NIBAN1: variants seen among roughly 807,000 people sequenced by gnomAD.
NIBAN1 encodes niban apoptosis regulator 1, also known as protein Niban 1.
Under a neutral mutation model 75.1 loss-of-function variants are expected in NIBAN1, and 81 were observed. The observed-to-expected ratio is 1.08, with a 90% CI of 0.90 to 1.30. NIBAN1 has a LOEUF of 1.30. NIBAN1 is among the 50% of genes most tolerant of loss of function. The pLI is 0.00. For missense variants in NIBAN1, 1,133 were observed against 1,128.1 expected (o/e 1.00, Z -0.06); for synonymous variants, 436 against 424.8 (o/e 1.03, Z -0.32).
At chr1:184,808,561 G>A (rs1409371467) in intron 9 of NIBAN1, among the ~76,000 whole-genome samples, 7 of 152,116 alleles carry the variant, frequency 4.6e-5, no homozygotes, top group Non-Finnish European at 1.0e-4. Context: ...AACCAGACAG[G>A]TAGGCTCTGA....
intron 1 of NIBAN1, among the ~76,000 whole-genome samples, chr1:184,970,401 G>A (rs926249537): frequency 2.0e-5 from 3 of 152,002 alleles, no homozygotes; most frequent in Non-Finnish European, 2.9e-5. Context: ...GGACTAGTAC[G>A]ACACATCCAC....
At chr1:184,868,881 A>C (rs1047895246) in intron 5 of NIBAN1, among the ~76,000 whole-genome samples, 2 of 152,154 alleles carry the variant, frequency 1.3e-5, no homozygotes, top group African/African-American at 4.8e-5. Flanking sequence ...CCTGATCACC[A>C]GCTGTCTTAC....
intron 8 of NIBAN1, among the ~76,000 whole-genome samples, chr1:184,819,868 T>C (rs143725357): frequency 1.8e-3 from 278 of 152,342 alleles, no homozygotes; most frequent in African/African-American, 6.6e-3. Flanking sequence ...TCAAGTGTCT[T>C]TCTTAAGTTC....
At chr1:184,845,474 T>C (rs951627096) in intron 5 of NIBAN1, among the ~76,000 whole-genome samples, 6 of 152,184 alleles carry the variant, frequency 3.9e-5, no homozygotes, top group African/African-American at 1.4e-4. Flanking sequence ...AAAAAGCAGA[T>C]TATAGGCCAA....
chr1:184,902,060 G>A (rs1034480920), intron 1 of NIBAN1, among the ~76,000 whole-genome samples: 1 of 152,102 alleles, frequency 6.6e-6, no homozygotes. Context: ...AAGACTGAGA[G>A]CAAAGTCTGG....
chr1:184,796,567 C>T (rs1009416158), intron 13 of NIBAN1, among the ~76,000 whole-genome samples: 1 of 152,184 alleles, frequency 6.6e-6, no homozygotes, highest in Non-Finnish European at 1.5e-5. Flanking sequence ...CGGTACTGCA[C>T]ATGCAGAGGA....
intron 1 of NIBAN1, among the ~76,000 whole-genome samples, chr1:184,917,403 G>A (rs1230077492): frequency 2.8e-5 from 4 of 142,356 alleles, no homozygotes; most frequent in South Asian, 2.2e-4. Context: ...TAGTAGAGAC[G>A]GGGTTTCACC....
intron 1 of NIBAN1, among the ~76,000 whole-genome samples, chr1:184,907,772 C>T (rs982094462): frequency 4.6e-5 from 7 of 152,182 alleles, no homozygotes; most frequent in African/African-American, 1.4e-4. Context: ...TTTTAAAGCA[C>T]ATTTATTATT....
intron 1 of NIBAN1, among the ~76,000 whole-genome samples, chr1:184,958,364 T>TCACACACACACA (rs3035788): frequency 0.011 from 1,566 of 142,662 alleles, 19 homozygotes; most frequent in African/African-American, 0.025. Flanking sequence ...GACAGAGGAG[T>TCACACACACACA]CACACACACA....
At chr1:184,911,021 G>A (rs1436424756) in intron 1 of NIBAN1, among the ~76,000 whole-genome samples, 2 of 151,730 alleles carry the variant, frequency 1.3e-5, no homozygotes. Flanking sequence ...CCTTGGACTT[G>A]TCAGTCTCCA....
chr1:184,925,648 T>C (rs1467320880), intron 1 of NIBAN1, among the ~76,000 whole-genome samples: 1 of 152,098 alleles, frequency 6.6e-6, no homozygotes, highest in Non-Finnish European at 1.5e-5. Context: ...TTTAAACTGA[T>C]GACAACTTAA....
intron 3 of NIBAN1, among the ~76,000 whole-genome samples, chr1:184,891,809 A>T (rs1192120193): frequency 1.3e-5 from 2 of 152,220 alleles, no homozygotes; most frequent in Non-Finnish European, 2.9e-5. Context: ...TCTTAGATAT[A>T]ATTTTATAAG....
intron 9 of NIBAN1, among the ~76,000 whole-genome samples, chr1:184,813,454 T>A (rs543124579): frequency 6.6e-6 from 1 of 152,238 alleles, no homozygotes; most frequent in South Asian, 2.1e-4. Context: ...CTTTGACTTT[T>A]GAAAATTGTT....
chr1:184,846,372 C>T (rs777906684), intron 5 of NIBAN1, among the ~76,000 whole-genome samples: 19 of 2,716 alleles, frequency 7.0e-3, no homozygotes, highest in Admixed American at 0.011. Context: ...ACACTGACAC[C>T]TCACACGGCA....
intron 1 of NIBAN1, among the ~76,000 whole-genome samples, chr1:184,960,623 A>ATGT (rs59022150): frequency 8.3e-4 from 125 of 150,214 alleles, no homozygotes; most frequent in Middle Eastern, 6.8e-3. Context: ...CAACAACAAA[A>ATGT]TGTTGTTGTT....
chr1:184,935,614 T>C (rs1238094644), intron 1 of NIBAN1, among the ~76,000 whole-genome samples: 2 of 152,124 alleles, frequency 1.3e-5, no homozygotes, highest in African/African-American at 2.4e-5. Flanking sequence ...TAGAAATATA[T>C]ATATTTTTTT....
chr1:184,800,052 C>T (rs1336844164), intron 12 of NIBAN1, among the ~76,000 whole-genome samples: 1 of 106,230 alleles, frequency 9.4e-6, no homozygotes, highest in South Asian at 3.1e-4. Context: ...GCCATGATTG[C>T]CATTCTAACT....
intron 12 of NIBAN1, among the ~76,000 whole-genome samples, chr1:184,800,683 T>C (rs845625): frequency 0.53 from 80,004 of 152,012 alleles, 22,046 homozygotes; most frequent in African/African-American, 0.69. Context: ...TGTAGATATA[T>C]GGCGCAACTA....
At chr1:184,842,574 T>C (rs2102252896) in intron 5 of NIBAN1, among the ~76,000 whole-genome samples, 1 of 152,148 alleles carries the variant, frequency 6.6e-6, no homozygotes, top group Admixed American at 6.5e-5. Context: ...GCCAACATGG[T>C]GAAGCCCCGT....
Sources: gnomAD v4.1 joint callset for allele counts (sites outside exome capture counted in the v4.1 genomes callset) on GRCh38, gnomAD v4.1.1 for gene constraint, MANE v1.5 for transcripts, NCBI Gene and HGNC (gene_info 2026-07-23, HGNC 2026-07-21) for gene names.